The following VPS13D variants were observed in gnomAD, a reference collection of about 807,000 sequenced individuals.
VPS13D encodes the protein intermembrane lipid transfer protein VPS13D.
Under a neutral mutation model 461.9 loss-of-function variants are expected in VPS13D, and 187 were observed. The observed-to-expected ratio is 0.40, with a 90% CI of 0.36 to 0.46. The LOEUF is 0.46. Ranked by LOEUF, VPS13D falls within the 20% of genes least tolerant of loss-of-function variation. The pLI is 0.60. For missense variants in VPS13D, 4,711 were observed against 5,364.9 expected (o/e 0.88, Z 3.81); for synonymous variants, 1,951 against 1,986.3 (o/e 0.98, Z 0.47).
At chr1:12,503,261 C>T (rs1020941118) in intron 68 of VPS13D, among the ~76,000 whole-genome samples, 3 of 152,200 alleles carry the variant, frequency 2.0e-5, no homozygotes, top group African/African-American at 7.2e-5. Flanking sequence ...TCCCTTCTCT[C>T]AGAAGAAACT....
chr1:12,398,261 TG>T (rs1225092193), intron 60 of VPS13D, among the ~76,000 whole-genome samples: 1 of 152,184 alleles, frequency 6.6e-6, no homozygotes, highest in Non-Finnish European at 1.5e-5. Flanking sequence ...TGCAATACAA[TG>T]GAGAGGTCAG....
intron 25 of VPS13D, among the ~76,000 whole-genome samples, chr1:12,302,839 T>G (rs1417372824): frequency 6.6e-6 from 1 of 151,754 alleles, no homozygotes; most frequent in Non-Finnish European, 1.5e-5. Flanking sequence ...TTCCTTTTTT[T>G]TTTTTTTTTT....
In VPS13D at chr1:12,299,376, C is replaced by G. The variant is rs1642359252; in HGVS notation, c.6208C>G (p.Gln2070Glu). 5.6e-6 allele frequency: 9 copies of G among 1,608,588 alleles called. No homozygotes were observed. The East Asian group carries it at 2.0e-4, about 36-fold the overall frequency. The change falls in exon 25 of 70, where the codon CAA becomes GAA. Residue 2070 changes from glutamine to glutamate, a missense_variant. Gln to Glu is a conservative substitution (Grantham distance 29). Transcript: ENST00000620676. The surrounding 1 kb of genome is among the most constrained non-coding windows in gnomAD (Gnocchi z 4.2). ...TGGTTTTCCTGGCACCTTTTCCCTA[C>G]AAGATAAGGTGAGCAATCAGTATCC... ...FAGFPGTFSL[Q>E]DKESVPSASP...
Position 12,366,243 on chromosome 1 carries a change from T to A in VPS13D, c.10449-2225T>A, listed in dbSNP as rs1022052077. ...TATTTATATTTGACTTTTAAATGTA[T>A]TATCTAATTCAATAGTGAGCCCTTC... On this transcript the variant is annotated intron_variant, in intron 52 of 69. Transcript: ENST00000620676. Among the ~76,000 whole-genome samples the A allele has an allele frequency of 2.0e-5, 3 of 152,226 alleles. No individual in the cohort carries two copies. In the South Asian group the frequency reaches 6.2e-4, roughly 32 times the overall value.
intron 27 of VPS13D, among the ~76,000 whole-genome samples, chr1:12,310,473 A>G (rs1433391787): frequency 2.0e-5 from 3 of 152,168 alleles, no homozygotes; most frequent in African/African-American, 7.2e-5. Flanking sequence ...TAGTATTGAG[A>G]TGAGGTACAG....
At position 12,363,236 on chromosome 1, in the gene VPS13D, T is replaced by C. The variant is rs1434254146; in HGVS notation, c.10437T>C (p.His3479=). 1.9e-6 allele frequency: 3 copies of C among 1,614,128 alleles called. No homozygotes were observed. The highest frequency in any genetic ancestry group is 4.5e-5 in the East Asian group (2 of 44,880). Residue 3479 remains histidine (H), a synonymous_variant, in exon 52 of 70, where the codon CAT becomes CAC. Transcript: ENST00000620676. Reference sequence around the variant, plus strand: ...AAGTCAACAAGAATAATTCCTTCCATATCAACATGAGGTAAGTTTGAGACT... The same window carrying C: ...AAGTCAACAAGAATAATTCCTTCCACATCAACATGAGGTAAGTTTGAGACT... The part of the protein sequence containing the change: ...GFEVNKNNSF[H]INMRDTLGKC...
chr1:12,299,110 T>C lies in VPS13D; in HGVS notation c.6034-92T>C, dbSNP rs1642353127. On this transcript the variant is annotated intron_variant, in intron 24 of 69. Coordinates refer to ENST00000620676, the MANE Select transcript of VPS13D (RefSeq NM_015378.4). The surrounding 1 kb of genome is among the most constrained non-coding windows in gnomAD (Gnocchi z 4.2). The stretch of plus-strand genomic sequence containing the variant: ...GCTCTGTATGATTTTAATTGTTTTA[T>C]AAACTCACGAAACTTTTGGGAACCT... 1.6e-6 allele frequency: 2 copies of C among 1,260,396 alleles called. No individual in the cohort carries two copies. Among genetic ancestry groups the C allele is most frequent in the Admixed American group, 5.3e-5 (2 of 37,830 alleles). The allele number at this position is 1,260,396 out of a possible 1,614,324, so 78.1% of individuals were successfully genotyped here.
At chr1:12,378,685 A>C in intron 56 of VPS13D, 94 bp downstream of exon 56, 1 of 1,285,478 alleles carries the variant, frequency 7.8e-7, no homozygotes, top group Non-Finnish European at 1.0e-6. Context: ...CTATAAATAA[A>C]GTAAAAATGT....
In VPS13D at chr1:12,363,089, A is replaced by G; in HGVS notation, c.10290A>G (p.Glu3430=). The G allele has an allele frequency of 6.2e-7, 1 of 1,614,114 alleles. No homozygotes were observed. Among genetic ancestry groups the G allele is most frequent in the Non-Finnish European group, 8.5e-7 (1 of 1,180,022 alleles). The change falls in exon 52 of 70, where the codon GAA becomes GAG. Residue 3430 remains glutamate (E), a synonymous_variant. Transcript: ENST00000620676. ...TGTTTTAGGGAACAGCCAATCCCGA[A>G]GGTTACATTTCCACCCTTCCTGGTT... The part of the protein sequence containing the change: ...FARGQGTANP[E]GYISTLPGSS...
intron 13 of VPS13D, among the ~76,000 whole-genome samples, chr1:12,266,375 T>C (rs772920034): frequency 2.6e-5 from 4 of 152,216 alleles, no homozygotes; most frequent in Non-Finnish European, 5.9e-5. Context: ...AACTTCGTTG[T>C]TGTCTTATTT....
chr1:12,505,526 T>C lies in VPS13D; in HGVS notation c.12795-1327T>C, dbSNP rs1646093825. On this transcript the variant is annotated intron_variant, in intron 68 of 69. Transcript: ENST00000620676. The surrounding 1 kb of genome is among the most constrained non-coding windows in gnomAD (Gnocchi z 4.2). ...TAAAATGGCAACTGGAACAAGGCAG[T>C]CACTTACTGAGCGCTGATGGGGTGG... is the stretch of plus-strand genomic sequence containing the variant. Among the ~76,000 whole-genome samples the C allele has an allele frequency of 6.6e-6, 1 of 152,216 alleles. No homozygotes were observed. Among genetic ancestry groups the C allele is most frequent in the Non-Finnish European group, 1.5e-5 (1 of 68,050 alleles).
chr1:12,263,952 G>A (rs1452170961), intron 13 of VPS13D, among the ~76,000 whole-genome samples: 1 of 152,126 alleles, frequency 6.6e-6, no homozygotes, highest in Admixed American at 6.5e-5. Flanking sequence ...TTAAAAATGA[G>A]CAAGTCTATA....
chr1:12,322,106 C>T (rs1643054867), intron 33 of VPS13D, 142 bp downstream of exon 33: 1 of 1,080,196 alleles, frequency 9.3e-7, no homozygotes, highest in Admixed American at 2.6e-5. Flanking sequence ...TGCTCTGTCG[C>T]CCAGGCTGGA....
Position 12,499,825 on chromosome 1 carries a change from G to A in VPS13D, c.12794+2194G>A, listed in dbSNP as rs139170457. 1.6e-4 allele frequency: 161 copies of A among 985,352 alleles called. 1 individual carries two copies. In the East Asian group the frequency reaches 0.011, roughly 69 times the overall value. 61.0% of individuals were successfully genotyped at this position (985,352 alleles called of 1,614,324 possible). A position where few individuals can be genotyped will look rare whatever the true frequency, so the allele number is the denominator to read the frequency against. The stretch of plus-strand genomic sequence containing the variant: ...TCCTCAGTTGTCAGCCTGGGTCTTC[G>A]CGGTGGAGTGAACATTACACTCATC... On this transcript the variant is annotated intron_variant, in intron 68 of 69. Coordinates refer to ENST00000620676, the MANE Select transcript of VPS13D (RefSeq NM_015378.4).
chr1:12,258,160 T>C, intron 10 of VPS13D, 57 bp downstream of exon 10: 1 of 1,590,108 alleles, frequency 6.3e-7, no homozygotes, highest in Non-Finnish European at 8.6e-7. Context: ...GAATGTTCTC[T>C]CAAAGACTAA....
At chr1:12,421,263 G>A (rs146979864) in intron 65 of VPS13D, among the ~76,000 whole-genome samples, 68 of 152,268 alleles carry the variant, frequency 4.5e-4, no homozygotes, top group Admixed American at 2.0e-3. Context: ...AGCCCTTAGC[G>A]GAACTTCAAA....
In VPS13D at chr1:12,400,181, G is replaced by C; in HGVS notation, c.11635G>C (p.Val3879Leu). The C allele has an allele frequency of 6.2e-7, 1 of 1,613,714 alleles. No individual in the cohort carries two copies. The highest frequency in any genetic ancestry group is 8.5e-7 in the Non-Finnish European group (1 of 1,179,912). ...MLELSIQDVQ[V>L]DNQLIGTTQP... is the part of the protein sequence containing the mutation. The stretch of plus-strand genomic sequence containing the variant: ...CTTTGCTACCTTTCCATGGCCGTAG[G>C]TGGACAATCAGCTCATTGGTACCAC... The change falls in exon 61 of 70, where the codon GTG (valine) becomes CTG (leucine). Residue 3879 changes from valine (V) to leucine (L), a missense_variant and splice_region_variant. Val to Leu is a conservative substitution (Grantham distance 32). Transcript: ENST00000620676.
intron 63 of VPS13D, among the ~76,000 whole-genome samples, chr1:12,412,136 A>G (rs933161344): frequency 2.6e-5 from 4 of 152,240 alleles, no homozygotes; most frequent in Non-Finnish European, 5.9e-5. Flanking sequence ...CACAGAAAAC[A>G]ATTAAACATT....
chr1:12,247,211 T>G (rs1220755037), intron 5 of VPS13D, among the ~76,000 whole-genome samples: 1 of 152,058 alleles, frequency 6.6e-6, no homozygotes, highest in Admixed American at 6.5e-5. Flanking sequence ...TTGCTTGAGG[T>G]CAGGAGATCG....
Sources: gnomAD v4.1 joint callset for allele counts (sites outside exome capture counted in the v4.1 genomes callset) on GRCh38, gnomAD v4.1.1 for gene constraint, Gnocchi (gnomAD v3.1) non-coding constraint, MANE v1.5 for transcripts, NCBI Gene and HGNC (gene_info 2026-07-23, HGNC 2026-07-21) for gene names.